The following ADCY1 variants were observed in gnomAD, a reference collection of about 807,000 sequenced individuals.
ADCY1 encodes the protein adenylate cyclase type 1.
In ADCY1, 28 loss-of-function variants were observed where a neutral mutation model predicts 105.4. The observed-to-expected ratio is 0.27, with a 90% CI of 0.20 to 0.36. The LOEUF (loss-of-function observed/expected upper bound fraction) is 0.36, where lower values mean the gene tolerates loss of function less well. Among genes scored for constraint, ADCY1 ranks in the 10% least tolerant of loss-of-function variants. The pLI is 1.00. For missense variants in ADCY1, 977 were observed against 1,434.2 expected (o/e 0.68, Z 5.15); for synonymous variants, 655 against 623.8 (o/e 1.05, Z -0.75).
intron 14 of ADCY1, among the ~76,000 whole-genome samples, chr7:45,688,793 G>A (rs1340131303): frequency 6.6e-6 from 1 of 151,734 alleles, no homozygotes; most frequent in Non-Finnish European, 1.5e-5. Flanking sequence ...GTGAACAGTG[G>A]TTTTCAGTAT....
At chr7:45,712,494 A>G (rs1027690213) in intron 19 of ADCY1, among the ~76,000 whole-genome samples, 6 of 152,018 alleles carry the variant, frequency 3.9e-5, no homozygotes, top group Admixed American at 2.6e-4. Flanking sequence ...CCTCTGTCCA[A>G]TCCCCAGCCA....
chr7:45,577,259 C>T (rs965373233), intron 1 of ADCY1, among the ~76,000 whole-genome samples: 1 of 152,184 alleles, frequency 6.6e-6, no homozygotes, highest in African/African-American at 2.4e-5. Flanking sequence ...GTAAACACTT[C>T]CTATTGGAAA....
chr7:45,645,806 T>C (rs1562704503), intron 4 of ADCY1, among the ~76,000 whole-genome samples: 1 of 151,440 alleles, frequency 6.6e-6, no homozygotes. Flanking sequence ...GTCCTTAGAG[T>C]TGGGGATTGG....
rs1371439621 is a variant in ADCY1 at position 45,714,047 on chromosome 7, G to A, written c.*52G>A. 1.4e-6 allele frequency: 1 copy of A among 716,220 alleles called. No homozygotes were observed. The highest frequency in any genetic ancestry group is 2.6e-6 in the Non-Finnish European group (1 of 386,452). The allele number at this position is 716,220 out of a possible 1,614,324, so 44.4% of individuals were successfully genotyped here. A position where few individuals can be genotyped will look rare whatever the true frequency, so the allele number is the denominator to read the frequency against. On this transcript the variant is annotated 3_prime_UTR_variant, in exon 20 of 20. Transcript: ENST00000297323. ...CACATGGGGTGGGAATGCTCCGGGG[G>A]TGACACAGGCCACGGTGGCTCCAGC...
rs189182716 is a variant in ADCY1 at position 45,686,183 on chromosome 7, C to T, written c.2295C>T (p.Leu765=). 9.5e-5 allele frequency: 153 copies of T among 1,614,120 alleles called. No homozygotes were observed. In the East Asian group the frequency reaches 1.9e-3, roughly 20 times the overall value. The change falls in exon 13 of 20, where the codon CTC becomes CTT. Residue 765 remains leucine, a synonymous_variant. Transcript: ENST00000297323. The surrounding 1 kb of genome is among the most constrained non-coding windows in gnomAD (Gnocchi z 4.3). The part of the protein sequence containing the change: ...LLSGLTTSYI[L]VLELSGYTRT... ...CCGGGCTCACCACGTCCTACATCCT[C>T]GTTCTGGAGCTCAGCGGATACACCA...
rs977210218 is a variant in ADCY1 at position 45,717,024 on chromosome 7, C to G, written c.*3029C>G. 1.3e-5 allele frequency: 2 copies of G among 152,332 alleles called. No homozygotes were observed. The highest frequency in any genetic ancestry group is 4.8e-5 in the African/African-American group (2 of 41,454). The allele number at this position is 152,332 out of a possible 1,614,324, so 9.4% of individuals were successfully genotyped here. A position where few individuals can be genotyped will look rare whatever the true frequency, so the allele number is the denominator to read the frequency against. Reference sequence around the variant, plus strand: ...AACCCAAGTGAGCCTGAAGCAGATTCGCCCCAGAGCCTCCAGGCGTGAGTG... The same window carrying G: ...AACCCAAGTGAGCCTGAAGCAGATTGGCCCCAGAGCCTCCAGGCGTGAGTG... On this transcript the variant is annotated 3_prime_UTR_variant, in exon 20 of 20. Coordinates refer to ENST00000297323, the MANE Select transcript of ADCY1 (RefSeq NM_021116.4).
At chr7:45,687,762 G>A (rs771946493) in intron 14 of ADCY1, among the ~76,000 whole-genome samples, 6 of 152,174 alleles carry the variant, frequency 3.9e-5, no homozygotes, top group Non-Finnish European at 5.9e-5. Flanking sequence ...TGCCAGAGTC[G>A]GGCAGCCAGA....
At chr7:45,659,232 C>G (rs1795024632) in intron 6 of ADCY1, among the ~76,000 whole-genome samples, 1 of 152,246 alleles carries the variant, frequency 6.6e-6, no homozygotes, top group South Asian at 2.1e-4. Flanking sequence ...CTGCCTTCAA[C>G]TGCCTCCTAT....
chr7:45,587,731 C>T, intron 1 of ADCY1, among the ~76,000 whole-genome samples: 1 of 152,056 alleles, frequency 6.6e-6, no homozygotes. Flanking sequence ...GTCCAGTGAC[C>T]CTCCAGTGTC....
At position 45,708,860 on chromosome 7, in the gene ADCY1, C is replaced by T. The variant is rs1487463902; in HGVS notation, c.2932+396C>T. Reference sequence around the variant, plus strand: ...GACGGGAGCCCCACTGTGCGGACTCCAGCCGCCCTGTGTCTTCTCCAGGCT... The same window carrying T: ...GACGGGAGCCCCACTGTGCGGACTCTAGCCGCCCTGTGTCTTCTCCAGGCT... On this transcript the variant is annotated intron_variant, in intron 18 of 19. Coordinates refer to ENST00000297323, the MANE Select transcript of ADCY1 (RefSeq NM_021116.4). The surrounding 1 kb of genome is among the most constrained non-coding windows in gnomAD (Gnocchi z 4.7). Among the ~76,000 whole-genome samples, 1 of 152,218 alleles carries T rather than the reference C, an allele frequency of 6.6e-6. No homozygotes were observed. The highest frequency in any genetic ancestry group is 1.5e-5 in the Non-Finnish European group (1 of 68,036).
rs200597993 is a variant in ADCY1 at position 45,574,801 on chromosome 7, C to T, written c.258C>T (p.Pro86=). ...ALAELLGAPG[P]APGLAKGSHP... ...CCGAGCTGCTGGGCGCGCCGGGGCC[C>T]GCGCCCGGCCTGGCCAAGGGCTCAC... The change falls in exon 1 of 20, where the codon CCC becomes CCT. Residue 86 remains proline, a synonymous_variant. Coordinates refer to ENST00000297323, the MANE Select transcript of ADCY1 (RefSeq NM_021116.4). The surrounding 1 kb of genome is among the most constrained non-coding windows in gnomAD (Gnocchi z 7.0). 5 of 1,571,418 alleles carry T rather than the reference C, an allele frequency of 3.2e-6. No individual in the cohort carries two copies. The highest frequency in any genetic ancestry group is 1.2e-5 in the South Asian group (1 of 86,488).
intron 6 of ADCY1, among the ~76,000 whole-genome samples, chr7:45,658,278 A>T (rs1190683012): frequency 2.6e-5 from 4 of 151,834 alleles, no homozygotes; most frequent in African/African-American, 9.7e-5. Context: ...CTGGGACTTT[A>T]GAGCTCCTTC....
chr7:45,703,176 CT>C lies in ADCY1; in HGVS notation c.2455-198del, dbSNP rs1236234492. 2.6e-5 allele frequency among the ~76,000 whole-genome samples: 4 copies of C among 152,120 alleles called. No individual in the cohort carries two copies. Among genetic ancestry groups the C allele is most frequent in the Non-Finnish European group, 5.9e-5 (4 of 68,028 alleles). ...GACATTCTAGCAGATGAGGTGGTGA[CT>C]TAGGCAGACATCTGCAGATCTTCCC... On this transcript the variant is annotated intron_variant, in intron 14 of 19. Coordinates refer to ENST00000297323, the MANE Select transcript of ADCY1 (RefSeq NM_021116.4). This position sits in a 1 kb window ranked among gnomAD's most constrained non-coding sequence, Gnocchi z 5.9.
chr7:45,658,842 G>C (rs370287646), intron 6 of ADCY1, among the ~76,000 whole-genome samples: 10 of 152,340 alleles, frequency 6.6e-5, no homozygotes, highest in East Asian at 3.9e-4. Context: ...GCCCCTCCGG[G>C]GGGGCAGGAA....
chr7:45,616,648 G>T (rs569538679), intron 3 of ADCY1, among the ~76,000 whole-genome samples: 25 of 152,152 alleles, frequency 1.6e-4, no homozygotes, highest in Admixed American at 2.6e-4. Context: ...AACAAATTAG[G>T]ATAAAAAATC....
In ADCY1 at chr7:45,648,682, C is replaced by T. The variant is rs1382950758; in HGVS notation, c.1033C>T (p.Arg345Cys). ...CCCTTCCCTGAAGGAGAACCACTGTCGCCGCATCAAGATTCTCGGGGACTG... is the reference window on the plus strand; with the variant it reads ...CCCTTCCCTGAAGGAGAACCACTGTTGCCGCATCAAGATTCTCGGGGACTG... Reference protein sequence around the residue: ...FDELATENHCRRIKILGDCYY... With the variant: ...FDELATENHCCRIKILGDCYY... The change falls in exon 5 of 20, where the codon CGC becomes TGC. Residue 345 changes from arginine to cysteine, a missense_variant. Coordinates refer to ENST00000297323, the MANE Select transcript of ADCY1 (RefSeq NM_021116.4). The T allele has an allele frequency of 6.2e-7, 1 of 1,614,044 alleles. No individual in the cohort carries two copies. The highest frequency in any genetic ancestry group is 1.3e-5 in the African/African-American group (1 of 74,924).
chr7:45,590,932 G>A (rs574298588), intron 1 of ADCY1, among the ~76,000 whole-genome samples: 5 of 152,248 alleles, frequency 3.3e-5, no homozygotes, highest in East Asian at 3.9e-4. Flanking sequence ...TGTGTCTGAT[G>A]TGTGTGGGGA....
intron 1 of ADCY1, among the ~76,000 whole-genome samples, chr7:45,582,628 C>T (rs1584245868): frequency 1.3e-5 from 2 of 152,158 alleles, no homozygotes; most frequent in Non-Finnish European, 2.9e-5. Flanking sequence ...CCCAGTCTTC[C>T]TGTTCTCCCT....
chr7:45,682,916 T>C (rs1170205536), intron 11 of ADCY1, among the ~76,000 whole-genome samples: 1 of 151,806 alleles, frequency 6.6e-6, no homozygotes, highest in Non-Finnish European at 1.5e-5. Flanking sequence ...CAGAGGGGAG[T>C]GTAGCACCAT....
Sources: allele counts gnomAD v4.1 joint callset (sites outside exome capture counted in the v4.1 genomes callset), GRCh38; gene constraint gnomAD v4.1.1; non-coding constraint Gnocchi (gnomAD v3.1); transcripts MANE v1.5; gene names NCBI Gene and HGNC (gene_info 2026-07-23, HGNC 2026-07-21).